The following TST variants were observed in gnomAD, a reference collection of about 807,000 sequenced individuals.
The protein encoded by TST is epididymis secretory sperm binding protein.
TST carries 22 observed loss-of-function variants against 20.4 expected under a neutral mutation model. The observed-to-expected ratio is 1.08, with a 90% confidence interval of 0.77 to 1.54. The LOEUF is 1.54. Among genes scored for constraint, TST ranks in the 40% most tolerant of loss-of-function variants. The pLI, the probability that TST is intolerant of heterozygous loss-of-function variation, is 0.00. For synonymous variants in TST, 187 were observed against 173.8 expected (o/e 1.08, Z -0.60); for missense variants, 392 against 405.2 (o/e 0.97, Z 0.28).
intron 2 of TST, among the ~76,000 whole-genome samples, chr22:37,012,094 T>C (rs130598): frequency 0.62 from 93,751 of 152,084 alleles, 29,853 homozygotes; most frequent in African/African-American, 0.78. Flanking sequence ...GTATCCACTG[T>C]GTATTGGCTG....
chr22:37,012,470 C>T (rs34374682), intron 2 of TST, among the ~76,000 whole-genome samples: 11,223 of 152,310 alleles, frequency 0.074, 561 homozygotes, highest in Admixed American at 0.11. Context: ...CCTCGAGCAG[C>T]CCACACCCTG....
chr22:37,013,046 G>GAA (rs113344464), intron 2 of TST, among the ~76,000 whole-genome samples: 1 of 147,378 alleles, frequency 6.8e-6, no homozygotes, highest in African/African-American at 2.5e-5. Context: ...CCGTCTCAAA[G>GAA]AAAAAAAAAA....
intron 2 of TST, among the ~76,000 whole-genome samples, chr22:37,012,044 T>TAAA (rs1922497814): frequency 6.6e-6 from 1 of 152,220 alleles, no homozygotes; most frequent in Non-Finnish European, 1.5e-5. Context: ...ATGTCAGCTC[T>TAAA]CTGAGCCTCA....
chr22:37,015,993 G>C (rs1441684409), intron 2 of TST, among the ~76,000 whole-genome samples: 1 of 144,546 alleles, frequency 6.9e-6, no homozygotes, highest in Non-Finnish European at 1.5e-5. Flanking sequence ...GCCCAGGCTG[G>C]AGTGCAGTGG....
upstream of TST, chr22:37,020,127 G>A (rs914124052): frequency 5.2e-6 from 2 of 384,802 alleles, no homozygotes; most frequent in African/African-American, 4.2e-5. Flanking sequence ...GGGCGGGGGA[G>A]AGAGAGGAGG....
At chr22:37,019,605 C>T, upstream of TST, 1 of 225,818 alleles carries the variant, frequency 4.4e-6, no homozygotes, top group Non-Finnish European at 8.5e-6. Context: ...GCCTCCGGGA[C>T]CCGCGGGGGT....
chr22:37,018,987 C>T (rs563981158), intron 1 of TST: 2 of 415,892 alleles, frequency 4.8e-6, no homozygotes, highest in Admixed American at 4.0e-5. Context: ...GCGGGTGGGG[C>T]AAGAGTTTCC....
chr22:37,014,254 C>T (rs1023604801), intron 2 of TST, among the ~76,000 whole-genome samples: 4 of 152,206 alleles, frequency 2.6e-5, no homozygotes, highest in Non-Finnish European at 5.9e-5. Context: ...CCTGTAGTCC[C>T]AGCTACTCGG....
rs1922795143 is a variant in TST at position 37,018,463 on chromosome 22, G to A, written c.270C>T (p.Ile90=). ...GFAEYVGRLG[I]SNHTHVVVYD... ...ACACCACCACGTGCGTGTGGTTGCT[G>A]ATGCCCAGGCGGCCCACATACTCGG... The change falls in exon 2 of 3, where the codon ATC becomes ATT. Residue 90 remains isoleucine, a synonymous_variant. Coordinates refer to ENST00000249042, the MANE Select transcript of TST (RefSeq NM_003312.6). 6.2e-7 allele frequency: 1 copy of A among 1,612,478 alleles called. No individual in the cohort carries two copies. The highest frequency in any genetic ancestry group is 1.3e-5 in the African/African-American group (1 of 74,898).
chr22:37,018,679 C>T lies in TST; in HGVS notation c.54G>A (p.Glu18=). Residue 18 remains glutamate, a synonymous_variant, in exon 2 of 3, where the codon GAG becomes GAA. Transcript: ENST00000249042. ...GCCCCAGCTTGCCAGTCCTGATGGA[C>T]TCCGCCAGCCACTTGGTGGAGACCA... ...RALVSTKWLA[E]SIRTGKLGPG... is the part of the protein sequence containing the mutation. 6.6e-7 allele frequency: 1 copy of T among 1,526,486 alleles called. No homozygotes were observed. Among genetic ancestry groups the T allele is most frequent in the Non-Finnish European group, 8.8e-7 (1 of 1,139,130 alleles). 94.6% of individuals were successfully genotyped at this position (1,526,486 alleles called of 1,614,324 possible). A position where few individuals can be genotyped will look rare whatever the true frequency, so the allele number is the denominator to read the frequency against.
At chr22:37,012,914 C>T (rs192998711) in intron 2 of TST, among the ~76,000 whole-genome samples, 2 of 152,220 alleles carry the variant, frequency 1.3e-5, no homozygotes, top group Admixed American at 1.3e-4. Context: ...TGGTGGCATG[C>T]GCCTGTAATC....
At chr22:37,018,921 T>C in intron 1 of TST, 168 bp from the exon 2 acceptor site, 1 of 492,676 alleles carries the variant, frequency 2.0e-6, no homozygotes. Flanking sequence ...GTTTGCAGAT[T>C]CCCTCTGGAA....
In TST at chr22:37,018,419, C is replaced by T; in HGVS notation, c.314G>A (p.Gly105Asp). ...CCAGACCCGGGGAGCATAGAAGCTGCCCAGGTGTTCACCATCATACACCAC... is the reference window on the plus strand; with the variant it reads ...CCAGACCCGGGGAGCATAGAAGCTGTCCAGGTGTTCACCATCATACACCAC... Reference protein sequence around the residue: ...HVVVYDGEHLGSFYAPRVWWM... With the variant: ...HVVVYDGEHLDSFYAPRVWWM... Residue 105 changes from glycine to aspartate, a missense_variant, in exon 2 of 3, where the codon GGC (glycine) becomes GAC (aspartate). Transcript: ENST00000249042. 1 of 1,613,700 alleles carries T rather than the reference C, an allele frequency of 6.2e-7. No homozygotes were observed. Among genetic ancestry groups the T allele is most frequent in the Non-Finnish European group, 8.5e-7 (1 of 1,180,024 alleles).
At chr22:37,017,073 G>A (rs1922707248) in intron 2 of TST, among the ~76,000 whole-genome samples, 1 of 152,244 alleles carries the variant, frequency 6.6e-6, no homozygotes, top group Non-Finnish European at 1.5e-5. Context: ...CTCTGACTGA[G>A]GAAAGAGCCA....
intron 1 of TST, chr22:37,019,010 T>G: frequency 2.7e-6 from 1 of 366,552 alleles, no homozygotes; most frequent in Non-Finnish European, 4.9e-6. Context: ...GGACTCCAAG[T>G]AGGGGCGCTT....
chr22:37,017,020 C>T (rs1184110733), intron 2 of TST, among the ~76,000 whole-genome samples: 1 of 152,168 alleles, frequency 6.6e-6, no homozygotes, highest in African/African-American at 2.4e-5. Flanking sequence ...TTCAACAAGT[C>T]AGGCAAAATG....
At chr22:37,015,607 C>T (rs1569162019) in intron 2 of TST, among the ~76,000 whole-genome samples, 1 of 152,244 alleles carries the variant, frequency 6.6e-6, no homozygotes, top group Non-Finnish European at 1.5e-5. Context: ...AGGAAGTGGC[C>T]GCCAGGTGTC....
At chr22:37,015,994 A>G (rs1601447621) in intron 2 of TST, among the ~76,000 whole-genome samples, 1 of 121,252 alleles carries the variant, frequency 8.2e-6, no homozygotes, top group Admixed American at 1.1e-4. Flanking sequence ...CCCAGGCTGG[A>G]GTGCAGTGGC....
chr22:37,014,424 G>T (rs1325186804), intron 2 of TST, among the ~76,000 whole-genome samples: 1 of 152,226 alleles, frequency 6.6e-6, no homozygotes, highest in Non-Finnish European at 1.5e-5. Flanking sequence ...GGCACGTTGG[G>T]CCAGAAAGCA....
Sources: allele counts gnomAD v4.1 joint callset (sites outside exome capture counted in the v4.1 genomes callset), GRCh38; gene constraint gnomAD v4.1.1; transcripts MANE v1.5; gene names NCBI Gene and HGNC (gene_info 2026-07-23, HGNC 2026-07-21).